Variants in DGKB observed in about 807,000 individuals in gnomAD.
DGKB encodes 90 kDa diacylglycerol kinase.
A neutral mutation model predicts 114.3 loss-of-function variants in DGKB; 67 were observed. That is an observed-to-expected ratio of 0.59 (90% CI 0.48 to 0.72). DGKB has a LOEUF of 0.72. DGKB is among the 30% of genes least tolerant of loss of function. The probability of loss-of-function intolerance (pLI) is 0.00; values close to 1 mark genes in which losing one functional copy is unlikely to be tolerated. For synonymous variants in DGKB, 398 were observed against 323.1 expected, an observed-to-expected ratio of 1.23 and a Z score of -2.49; for missense variants, 907 against 975.2, an observed-to-expected ratio of 0.93 and a Z score of 0.93.
intron 4 of DGKB, among the ~76,000 whole-genome samples, chr7:14,753,677 G>C (rs370569514): frequency 4.3e-4 from 66 of 152,224 alleles, no homozygotes; most frequent in African/African-American, 1.5e-3. Flanking sequence ...CTACAAAACT[G>C]AAGGCCACAC....
chr7:14,329,648 AG>A (rs958019484), intron 23 of DGKB, among the ~76,000 whole-genome samples: 2 of 152,006 alleles, frequency 1.3e-5, no homozygotes, highest in African/African-American at 4.8e-5. Flanking sequence ...GATGATAGAA[AG>A]AAATTATTGT....
intron 1 of DGKB, among the ~76,000 whole-genome samples, chr7:14,891,279 G>T (rs999393887): frequency 6.6e-6 from 1 of 151,342 alleles, no homozygotes; most frequent in Non-Finnish European, 1.5e-5. Context: ...TAGACAAAAC[G>T]ATAAAAACAC....
intron 2 of DGKB, among the ~76,000 whole-genome samples, chr7:14,795,182 C>T (rs994496965): frequency 1.1e-4 from 16 of 152,072 alleles, no homozygotes; most frequent in Admixed American, 6.5e-5. Flanking sequence ...AGAACATGTA[C>T]GAAATTGATA....
At chr7:14,477,120 G>A (rs765100083) in intron 21 of DGKB, among the ~76,000 whole-genome samples, 3 of 152,132 alleles carry the variant, frequency 2.0e-5, no homozygotes, top group Admixed American at 1.3e-4. Context: ...TTGCTGTGAT[G>A]ATTTATGCAT....
At chr7:14,747,188 CTTT>C (rs372925762) in intron 4 of DGKB, among the ~76,000 whole-genome samples, 1 of 124,146 alleles carries the variant, frequency 8.1e-6, no homozygotes, top group Non-Finnish European at 1.6e-5. Flanking sequence ...ACACAAACCT[CTTT>C]TTTTTTTTTT....
At chr7:14,518,584 A>G (rs1170077392) in intron 20 of DGKB, among the ~76,000 whole-genome samples, 1 of 152,054 alleles carries the variant, frequency 6.6e-6, no homozygotes, top group Non-Finnish European at 1.5e-5. Flanking sequence ...ATATTTGCCA[A>G]TCTCACATTA....
At chr7:14,688,037 T>G (rs1400463442) in intron 9 of DGKB, among the ~76,000 whole-genome samples, 1 of 152,206 alleles carries the variant, frequency 6.6e-6, no homozygotes. Context: ...TGTGACTTCT[T>G]TAAGAGAAGA....
At chr7:14,758,150 A>G (rs1195499323) in intron 2 of DGKB, among the ~76,000 whole-genome samples, 1 of 152,094 alleles carries the variant, frequency 6.6e-6, no homozygotes, top group African/African-American at 2.4e-5. Context: ...TTTACCCTAT[A>G]TATGCATTAC....
chr7:14,573,084 C>G (rs890411454), intron 20 of DGKB, among the ~76,000 whole-genome samples: 3 of 152,130 alleles, frequency 2.0e-5, no homozygotes, highest in African/African-American at 7.2e-5. Context: ...AAAAAGTACA[C>G]TTACAATGAA....
In DGKB at chr7:14,339,495, C is replaced by A. The variant is rs574270682; in HGVS notation, c.1927-785G>T. ...TTCTTATTTTCCTGGTGACAAAACA[C>A]CCTGGTGATTATGAAAAATATAAAA... On this transcript the variant is annotated intron_variant, in intron 22 of 25. Transcript: ENST00000402815. Among the ~76,000 whole-genome samples, 315 of 151,924 alleles carry A rather than the reference C, an allele frequency of 2.1e-3. 1 individual carries two copies. The highest frequency in any genetic ancestry group is 6.8e-3 in the Middle Eastern group (2 of 294).
intron 13 of DGKB, among the ~76,000 whole-genome samples, chr7:14,648,864 C>A (rs2128893286): frequency 7.4e-6 from 1 of 134,690 alleles, no homozygotes; most frequent in African/African-American, 2.7e-5. Flanking sequence ...GCCTCAGGAG[C>A]TGATGCGATC....
chr7:14,314,046 C>T lies in DGKB; in HGVS notation c.2122+24469G>A, dbSNP rs1416385252. On this transcript the variant is annotated intron_variant, in intron 23 of 25. Coordinates refer to ENST00000402815, the MANE Select transcript of DGKB (RefSeq NM_001350709.2). ...CACTGACACCTCACACTGCAGGGTA[C>T]TCCAACAGACCTGCAGCTGAGGGTC... Among the ~76,000 whole-genome samples, 12 of 152,270 alleles carry T rather than the reference C, an allele frequency of 7.9e-5. No individual in the cohort carries two copies. In the East Asian group the frequency reaches 1.4e-3, roughly 17 times the overall value.
chr7:14,638,795 A>C (rs1811205207), intron 13 of DGKB, among the ~76,000 whole-genome samples: 1 of 152,146 alleles, frequency 6.6e-6, no homozygotes, highest in Non-Finnish European at 1.5e-5. Flanking sequence ...TAATCCTGGC[A>C]CTTTGGGAGG....
At chr7:14,529,910 T>A (rs1189554528) in intron 20 of DGKB, among the ~76,000 whole-genome samples, 1 of 151,788 alleles carries the variant, frequency 6.6e-6, no homozygotes, top group African/African-American at 2.4e-5. Flanking sequence ...ATTAGTTAGA[T>A]ACAAATACTT....
chr7:14,800,339 T>C (rs1272909534), intron 2 of DGKB, among the ~76,000 whole-genome samples: 1 of 152,190 alleles, frequency 6.6e-6, no homozygotes, highest in Non-Finnish European at 1.5e-5. Flanking sequence ...TCTGTGAGGG[T>C]GTTGACAAAA....
intron 23 of DGKB, among the ~76,000 whole-genome samples, chr7:14,329,999 G>A (rs1223319303): frequency 6.6e-6 from 1 of 151,978 alleles, no homozygotes; most frequent in African/African-American, 2.4e-5. Context: ...AAACAAATAA[G>A]ATGATAATTT....
chr7:14,818,173 C>T (rs1308752293), intron 2 of DGKB, among the ~76,000 whole-genome samples: 1 of 152,122 alleles, frequency 6.6e-6, no homozygotes, highest in Non-Finnish European at 1.5e-5. Flanking sequence ...AAGGGGTCCC[C>T]TTAACAACTA....
At chr7:14,644,572 G>C (rs535451069) in intron 13 of DGKB, among the ~76,000 whole-genome samples, 4 of 152,170 alleles carry the variant, frequency 2.6e-5, no homozygotes, top group Non-Finnish European at 4.4e-5. Context: ...AAAAAGTACA[G>C]TTGAGAGCTT....
At chr7:14,803,038 G>A (rs2128054738) in intron 2 of DGKB, among the ~76,000 whole-genome samples, 1 of 152,082 alleles carries the variant, frequency 6.6e-6, no homozygotes, top group African/African-American at 2.4e-5. Context: ...GGAGTAGGTT[G>A]CAGTTTAAAT....
Sources: allele counts gnomAD v4.1 joint callset (sites outside exome capture counted in the v4.1 genomes callset), GRCh38; gene constraint gnomAD v4.1.1; transcripts MANE v1.5; gene names NCBI Gene and HGNC (gene_info 2026-07-23, HGNC 2026-07-21).